The following PTGDR variants were observed in gnomAD, a reference collection of about 807,000 sequenced individuals.
PTGDR encodes the protein prostaglandin D2 receptor, also known as PGD2 receptor.
A neutral mutation model predicts 17.4 loss-of-function variants in PTGDR; 19 were observed. That is an observed-to-expected ratio of 1.09 (90% CI 0.76 to 1.60). The LOEUF (loss-of-function observed/expected upper bound fraction) is 1.60. PTGDR is among the 40% of genes most tolerant of loss of function. PTGDR has a pLI of 0.00. For synonymous variants in PTGDR, 267 were observed against 224.2 expected (o/e 1.19, Z -1.71); for missense variants, 526 against 481.9 (o/e 1.09, Z -0.86).
downstream of PTGDR, among the ~76,000 whole-genome samples, chr14:52,279,898 C>T (rs1321845375): frequency 1.3e-5 from 2 of 151,010 alleles, no homozygotes; most frequent in African/African-American, 2.4e-5. Flanking sequence ...ATGCCTCAAC[C>T]GGGGAAGGCA....
intron 1 of PTGDR, among the ~76,000 whole-genome samples, chr14:52,269,701 G>A (rs1469617578): frequency 6.6e-6 from 1 of 152,186 alleles, no homozygotes; most frequent in Non-Finnish European, 1.5e-5. Context: ...GAAATACAAA[G>A]CGATTTTCCT....
rs762884945 is a variant in PTGDR, at chr14:52,267,846, C to T, written c.32C>T (p.Thr11Ile). The change falls in exon 1 of 2, where the codon ACC (threonine) becomes ATC (isoleucine). Residue 11 changes from threonine to isoleucine, a missense_variant. Coordinates refer to ENST00000306051, the MANE Select transcript of PTGDR (RefSeq NM_000953.3). ...TCGCCGTTCTACCGCTGCCAGAACACCACCTCTGTGGAAAAAGGCAACTCG... is the reference window on the plus strand; with the variant it reads ...TCGCCGTTCTACCGCTGCCAGAACATCACCTCTGTGGAAAAAGGCAACTCG... MKSPFYRCQNTTSVEKGNSAV... is the reference protein window; with the variant it reads MKSPFYRCQNITSVEKGNSAV... 7 of 1,587,694 alleles carry T rather than the reference C, an allele frequency of 4.4e-6. No homozygotes were observed. The highest frequency in any genetic ancestry group is 6.0e-6 in the Non-Finnish European group (7 of 1,165,816).
At chr14:52,279,741 C>A (rs557008609), downstream of PTGDR, among the ~76,000 whole-genome samples, 29 of 151,938 alleles carry the variant, frequency 1.9e-4, 1 homozygote, top group South Asian at 6.0e-3. Flanking sequence ...TCATAACAAA[C>A]CTGCATGTTG....
Position 52,276,628 on chromosome 14 carries a change from T to C in PTGDR, c.*1664T>C, listed in dbSNP as rs2033431857. 6.6e-6 allele frequency: 1 copy of C among 152,214 alleles called. No individual in the cohort carries two copies. Among genetic ancestry groups the C allele is most frequent in the Non-Finnish European group, 1.5e-5 (1 of 68,036 alleles). The allele number at this position is 152,214 out of a possible 1,614,324, so 9.4% of individuals were successfully genotyped here. On this transcript the variant is annotated 3_prime_UTR_variant, in exon 2 of 2. Transcript: ENST00000306051. ...ATGTTTTATTGTCAGAGGAAGAACA[T>C]GTTTTTTGTATTCTTTTTTTGGAGA...
Position 52,274,802 on chromosome 14 carries a change from C to T in PTGDR, c.918C>T (p.Leu306=). The change falls in exon 2 of 2, where the codon CTC becomes CTT. Residue 306 remains leucine (L), a synonymous_variant. Transcript: ENST00000306051. ...GGACCTCTGAAGAAGCAGAAGACCT[C>T]CGAGCCTTGCGATTTCTATCTGTGA... is the stretch of plus-strand genomic sequence containing the variant. ...KNRTSEEAED[L]RALRFLSVIS... 1 of 1,613,740 alleles carries T rather than the reference C, an allele frequency of 6.2e-7. No homozygotes were observed. The highest frequency in any genetic ancestry group is 8.5e-7 in the Non-Finnish European group (1 of 1,179,626).
downstream of PTGDR, among the ~76,000 whole-genome samples, chr14:52,277,769 T>C (rs2033447452): frequency 6.6e-6 from 1 of 152,180 alleles, no homozygotes; most frequent in Admixed American, 6.5e-5. Context: ...CAGAATCTCT[T>C]GGGTGGGGCC....
rs1168910817 is a variant in PTGDR at position 52,267,950 on chromosome 14, C to T, written c.136C>T (p.Leu46=). The T allele has an allele frequency of 6.2e-7, 1 of 1,609,910 alleles. No homozygotes were observed. The highest frequency in any genetic ancestry group is 8.5e-7 in the Non-Finnish European group (1 of 1,179,566). The change falls in exon 1 of 2, where the codon CTG becomes TTG. Residue 46 remains leucine, a synonymous_variant. Transcript: ENST00000306051. ...CCTGGGGCTGCTGGCGCGCTCGGGG[C>T]TGGGGTGGTGCTCGCGGCGTCCACT... ...LALGLLARSG[L]GWCSRRPLRP... is the part of the protein sequence containing the mutation.
intron 1 of PTGDR, among the ~76,000 whole-genome samples, chr14:52,274,192 T>C (rs1008674350): frequency 6.6e-6 from 1 of 152,236 alleles, no homozygotes; most frequent in African/African-American, 2.4e-5. Context: ...CTTTTCATTG[T>C]CATATTTCCA....
chr14:52,280,016 A>C (rs2033470231), downstream of PTGDR, among the ~76,000 whole-genome samples: 1 of 152,214 alleles, frequency 6.6e-6, no homozygotes, highest in South Asian at 2.1e-4. Context: ...AATTGGAAAC[A>C]CAGGACAAAC....
chr14:52,268,265 C>G lies in PTGDR; in HGVS notation c.451C>G (p.Leu151Val). ...GCACATCACCCTGCGCCTGGGCGCA[C>G]TGGTGGCCCCGGTGGTGAGCGCCTT... ...RRHITLRLGALVAPVVSAFSL... is the reference protein window; with the variant it reads ...RRHITLRLGAVVAPVVSAFSL... The change falls in exon 1 of 2, where the codon CTG becomes GTG. Residue 151 changes from leucine to valine, a missense_variant. Physicochemically the swap from Leu to Val is conservative, Grantham distance 32. Coordinates refer to ENST00000306051, the MANE Select transcript of PTGDR (RefSeq NM_000953.3). The G allele has an allele frequency of 6.2e-7, 1 of 1,614,038 alleles. No homozygotes were observed. Among genetic ancestry groups the G allele is most frequent in the Non-Finnish European group, 8.5e-7 (1 of 1,180,048 alleles).
chr14:52,271,514 A>G (rs2033322745), intron 1 of PTGDR, among the ~76,000 whole-genome samples: 1 of 152,246 alleles, frequency 6.6e-6, no homozygotes, highest in Non-Finnish European at 1.5e-5. Context: ...TGTTTTCCAT[A>G]TGTACAAGGA....
chr14:52,271,610 A>G (rs181344096), intron 1 of PTGDR, among the ~76,000 whole-genome samples: 5 of 152,370 alleles, frequency 3.3e-5, no homozygotes, highest in Admixed American at 3.3e-4. Flanking sequence ...TTAAGAGCAC[A>G]AAAGTACTGA....
chr14:52,268,399 G>A lies in PTGDR; in HGVS notation c.585G>A (p.Ser195=), dbSNP rs762130561. The A allele has an allele frequency of 2.5e-6, 4 of 1,611,572 alleles. No homozygotes were observed. The highest frequency in any genetic ancestry group is 1.3e-5 in the African/African-American group (1 of 75,072). The change falls in exon 1 of 2, where the codon TCG becomes TCA. Residue 195 remains serine, a synonymous_variant. Coordinates refer to ENST00000306051, the MANE Select transcript of PTGDR (RefSeq NM_000953.3). ...TGGTCCACGAGGAGGGCTCGCTGTCGGTGCTGGGGTACTCTGTGCTCTACT... is the reference window on the plus strand; with the variant it reads ...TGGTCCACGAGGAGGGCTCGCTGTCAGTGCTGGGGTACTCTGTGCTCTACT... The part of the protein sequence containing the change: ...IQMVHEEGSL[S]VLGYSVLYSS...
At chr14:52,278,630 TA>T (rs199563912), downstream of PTGDR, among the ~76,000 whole-genome samples, 822 of 151,832 alleles carry the variant, frequency 5.4e-3, 7 homozygotes, top group African/African-American at 0.019. Context: ...AATAAAGTTT[TA>T]AAAAAAAGAA....
At chr14:52,273,620 G>C (rs2033363538) in intron 1 of PTGDR, among the ~76,000 whole-genome samples, 1 of 152,162 alleles carries the variant, frequency 6.6e-6, no homozygotes, top group African/African-American at 2.4e-5. Context: ...CACTAGATTG[G>C]AGTGGCTGAG....
At chr14:52,279,247 A>G (rs1344339843), downstream of PTGDR, among the ~76,000 whole-genome samples, 1 of 152,196 alleles carries the variant, frequency 6.6e-6, no homozygotes, top group Non-Finnish European at 1.5e-5. Flanking sequence ...ATATCACCAT[A>G]TAAGGATTTT....
chr14:52,277,342 G>T (rs1026553226), downstream of PTGDR, among the ~76,000 whole-genome samples: 3 of 152,140 alleles, frequency 2.0e-5, no homozygotes, highest in African/African-American at 7.2e-5. Flanking sequence ...AAACGAGTAG[G>T]AATTTTGACT....
chr14:52,279,586 A>G (rs551607583), downstream of PTGDR, among the ~76,000 whole-genome samples: 27 of 152,256 alleles, frequency 1.8e-4, no homozygotes, highest in Admixed American at 1.0e-3. Context: ...GGGTGGTACT[A>G]TAATTAGGCT....
At chr14:52,269,013 C>A (rs2033274440) in intron 1 of PTGDR, among the ~76,000 whole-genome samples, 2 of 152,154 alleles carry the variant, frequency 1.3e-5, no homozygotes, top group South Asian at 4.1e-4. Context: ...AACTTAGTTT[C>A]TCCTTGGCAA....
Sources: allele counts gnomAD v4.1 joint callset (sites outside exome capture counted in the v4.1 genomes callset), GRCh38; gene constraint gnomAD v4.1.1; transcripts MANE v1.5; gene names NCBI Gene and HGNC (gene_info 2026-07-23, HGNC 2026-07-21).